Variants in ZNF326 observed in about 807,000 individuals in gnomAD.
ZNF326 encodes zinc finger protein 326.
Under a neutral mutation model 63.1 loss-of-function variants are expected in ZNF326, and 30 were observed. The observed-to-expected ratio is 0.48, with a 90% CI of 0.36 to 0.64. The LOEUF (loss-of-function observed/expected upper bound fraction) is 0.64, where lower values mean the gene tolerates loss of function less well. ZNF326 is among the 30% of genes least tolerant of loss of function. The probability of loss-of-function intolerance (pLI) is 0.00; values close to 1 mark genes in which losing one functional copy is unlikely to be tolerated. For missense variants in ZNF326, 609 were observed against 720.3 expected (o/e 0.85, Z 1.77); for synonymous variants, 194 against 228.2 (o/e 0.85, Z 1.35).
intron 5 of ZNF326, among the ~76,000 whole-genome samples, chr1:90,008,633 G>T (rs2101065682): frequency 6.6e-6 from 1 of 152,192 alleles, no homozygotes; most frequent in East Asian, 1.9e-4. Flanking sequence ...TTGTATTTTT[G>T]TTATAATGTA....
intron 5 of ZNF326, among the ~76,000 whole-genome samples, chr1:90,009,417 C>T (rs1174884667): frequency 6.6e-6 from 1 of 152,098 alleles, no homozygotes; most frequent in East Asian, 1.9e-4. Flanking sequence ...CGTTTGGTTG[C>T]ATGACTCTTC....
intron 11 of ZNF326, among the ~76,000 whole-genome samples, chr1:90,024,074 C>T (rs191539688): frequency 5.3e-5 from 8 of 152,144 alleles, no homozygotes; most frequent in African/African-American, 1.9e-4. Context: ...ATTCAGCATG[C>T]CTGTCTGCTG....
At chr1:90,001,004 A>G (rs539704392) in intron 2 of ZNF326, among the ~76,000 whole-genome samples, 5 of 152,144 alleles carry the variant, frequency 3.3e-5, no homozygotes, top group Non-Finnish European at 5.9e-5. Flanking sequence ...AATGAAGTTA[A>G]GAGGTGATGG....
Position 90,004,935 on chromosome 1 carries a change from GT to G in ZNF326, c.62-64del, listed in dbSNP as rs1648899582. ...CAGGTGATAGATAGGAATATCTTGT[GT>G]TTTGTGCAAAGATCCCTGAAGAGAA... On this transcript the variant is annotated intron_variant, in intron 2 of 11. Transcript: ENST00000340281. The G allele has an allele frequency of 9.4e-6, 13 of 1,385,336 alleles. No homozygotes were observed. The East Asian group carries it at 3.1e-4, about 33-fold the overall frequency. The allele number at this position is 1,385,336 out of a possible 1,614,324, so 85.8% of individuals were successfully genotyped here.
intron 6 of ZNF326, 30 bp downstream of exon 6, chr1:90,010,316 C>T (rs1649175809): frequency 6.3e-7 from 1 of 1,590,648 alleles, no homozygotes. Flanking sequence ...TGCTATGATT[C>T]AGGATACTTT....
chr1:90,005,581 T>G (rs1295122238), intron 4 of ZNF326: 1 of 904,504 alleles, frequency 1.1e-6, no homozygotes, highest in Non-Finnish European at 1.3e-6. Context: ...ATTGAAAATA[T>G]TATTTATGAA....
At chr1:90,016,063 A>G (rs992532619) in intron 7 of ZNF326, among the ~76,000 whole-genome samples, 1 of 152,174 alleles carries the variant, frequency 6.6e-6, no homozygotes, top group African/African-American at 2.4e-5. Flanking sequence ...CCCTTTGAGC[A>G]GTAATGTGCT....
rs1650398719 is a variant in ZNF326 at position 90,034,213 on chromosome 1, A to G, written c.*6512A>G. ...AGAACTGTTTTGAATTTAGACTTCT[A>G]TCTTGAGTGAAACTGTCAAGAGTAA... On this transcript the variant is annotated 3_prime_UTR_variant, in exon 12 of 12. Coordinates refer to ENST00000340281, the MANE Select transcript of ZNF326 (RefSeq NM_182976.4). The G allele has an allele frequency of 6.6e-6, 1 of 152,196 alleles. No individual in the cohort carries two copies. Among genetic ancestry groups the G allele is most frequent in the South Asian group, 2.1e-4 (1 of 4,838 alleles). The allele number at this position is 152,196 out of a possible 1,614,324, so 9.4% of individuals were successfully genotyped here. A position where few individuals can be genotyped will look rare whatever the true frequency, so the allele number is the denominator to read the frequency against.
intron 2 of ZNF326, 135 bp downstream of exon 2, chr1:89,998,289 TA>T: frequency 2.7e-6 from 2 of 731,052 alleles, no homozygotes; most frequent in Non-Finnish European, 4.3e-6. Context: ...TCTTACTATA[TA>T]TAGTATTTGA....
At position 90,020,789 on chromosome 1, in the gene ZNF326, T is replaced by C; in HGVS notation, c.1175-3T>C. On this transcript the variant is annotated splice_region_variant and splice_polypyrimidine_tract_variant and intron_variant, in intron 9 of 11. Transcript: ENST00000340281. ...TTCTTTAATAATTGGATGTCTTTTG[T>C]AGGTGTTACTGTAGATGATCACATG... The C allele has an allele frequency of 6.2e-7, 1 of 1,601,688 alleles. No homozygotes were observed. Among genetic ancestry groups the C allele is most frequent in the Non-Finnish European group, 8.5e-7 (1 of 1,175,586 alleles).
chr1:90,003,276 AC>A (rs1648783635), intron 2 of ZNF326, among the ~76,000 whole-genome samples: 1 of 151,892 alleles, frequency 6.6e-6, no homozygotes. Context: ...GACTACAGGC[AC>A]CTGCCACCAC....
intron 4 of ZNF326, chr1:90,005,648 G>T (rs750107114): frequency 5.8e-4 from 563 of 978,882 alleles, no homozygotes; most frequent in Non-Finnish European, 6.5e-4. Context: ...ATGTAAATTA[G>T]CAAAGCAGTC....
intron 6 of ZNF326, 34 bp from the exon 7 acceptor site, chr1:90,013,092 A>G (rs771666271): frequency 1.0e-4 from 159 of 1,558,220 alleles, no homozygotes; most frequent in Non-Finnish European, 1.3e-4. Flanking sequence ...GGAAAAATGA[A>G]TTTTAGCTTT....
intron 11 of ZNF326, among the ~76,000 whole-genome samples, chr1:90,024,270 T>C (rs1043650486): frequency 9.8e-5 from 15 of 152,350 alleles, no homozygotes; most frequent in Admixed American, 3.9e-4. Flanking sequence ...TTTGTCCTCA[T>C]TGAGATAATC....
intron 7 of ZNF326, 85 bp from the exon 8 acceptor site, chr1:90,017,230 TAA>T (rs1649540734): frequency 3.2e-6 from 3 of 935,704 alleles, no homozygotes; most frequent in Non-Finnish European, 4.6e-6. Context: ...TTTATGTTGG[TAA>T]AATTAGTTTC....
At chr1:89,995,580 C>T (rs557883899) in intron 1 of ZNF326, among the ~76,000 whole-genome samples, 2 of 152,380 alleles carry the variant, frequency 1.3e-5, no homozygotes, top group Non-Finnish European at 2.9e-5. Flanking sequence ...GGAAATTGCC[C>T]CGACGTCTCC....
At chr1:89,999,190 G>T (rs1648547348) in intron 2 of ZNF326, among the ~76,000 whole-genome samples, 1 of 152,148 alleles carries the variant, frequency 6.6e-6, no homozygotes, top group African/African-American at 2.4e-5. Flanking sequence ...TTGAACTTGG[G>T]AGGTGATAGT....
At position 90,028,640 on chromosome 1, in the gene ZNF326, C is replaced by CT. The variant is rs1417859985; in HGVS notation, c.*944dup. The stretch of plus-strand genomic sequence containing the variant: ...TATTTCTCTTTCAAATATTTCTATC[C>CT]TTTTTAAAAAATTCCTTTTTATGGC... On this transcript the variant is annotated 3_prime_UTR_variant, in exon 12 of 12. Coordinates refer to ENST00000340281, the MANE Select transcript of ZNF326 (RefSeq NM_182976.4). 6.6e-6 allele frequency: 1 copy of CT among 152,060 alleles called. No individual in the cohort carries two copies. The highest frequency in any genetic ancestry group is 2.4e-5 in the African/African-American group (1 of 41,414). 9.4% of individuals were successfully genotyped at this position (152,060 alleles called of 1,614,324 possible).
intron 2 of ZNF326, 50 bp from the exon 3 acceptor site, chr1:90,004,953 T>C (rs760727602): frequency 1.8e-5 from 27 of 1,536,470 alleles, no homozygotes; most frequent in African/African-American, 2.7e-5. Context: ...CAAAGATCCC[T>C]GAAGAGAATG....
Sources: gnomAD v4.1 joint callset for allele counts (sites outside exome capture counted in the v4.1 genomes callset) on GRCh38, gnomAD v4.1.1 for gene constraint, MANE v1.5 for transcripts, NCBI Gene and HGNC (gene_info 2026-07-23, HGNC 2026-07-21) for gene names.